PSME4: variants seen among roughly 807,000 people sequenced by gnomAD.
The protein encoded by PSME4 is proteasome activator complex subunit 4.
PSME4 carries 89 observed loss-of-function variants against 253.9 expected under a neutral mutation model. The observed-to-expected ratio is 0.35, with a 90% CI of 0.30 to 0.42. The LOEUF (loss-of-function observed/expected upper bound fraction) is 0.42. Among genes scored for constraint, PSME4 ranks in the 10% least tolerant of loss-of-function variants. The pLI is 1.00. For missense variants in PSME4, 2,014 were observed against 2,195.2 expected, an observed-to-expected ratio of 0.92 and a Z score of 1.65; for synonymous variants, 851 against 759.2, an observed-to-expected ratio of 1.12 and a Z score of -1.99.
At chr2:53,880,034 G>T (rs542781109) in intron 41 of PSME4, among the ~76,000 whole-genome samples, 1 of 152,284 alleles carries the variant, frequency 6.6e-6, no homozygotes, top group Non-Finnish European at 1.5e-5. Context: ...GAAGAATATG[G>T]TGGAAGTAAT....
intron 2 of PSME4, 93 bp downstream of exon 2, chr2:53,949,050 C>G: frequency 7.1e-7 from 1 of 1,402,004 alleles, no homozygotes; most frequent in Non-Finnish European, 9.4e-7. Flanking sequence ...CAATTTGAGA[C>G]TTGGTCTTCT....
chr2:53,952,756 C>A (rs984737549), intron 1 of PSME4, among the ~76,000 whole-genome samples: 1 of 152,228 alleles, frequency 6.6e-6, no homozygotes, highest in Admixed American at 6.5e-5. Flanking sequence ...CTATGAGAAT[C>A]TAACATCATG....
intron 20 of PSME4, among the ~76,000 whole-genome samples, chr2:53,913,644 T>C (rs1167621431): frequency 6.6e-6 from 1 of 152,182 alleles, no homozygotes; most frequent in Non-Finnish European, 1.5e-5. Flanking sequence ...TTGTGTTCTA[T>C]TATCCAATTC....
chr2:53,951,114 GCT>G (rs561507216), intron 1 of PSME4, among the ~76,000 whole-genome samples: 26 of 152,054 alleles, frequency 1.7e-4, no homozygotes, highest in African/African-American at 6.3e-4. Context: ...ACACAGTCTT[GCT>G]CTGTCACCCA....
At chr2:53,932,995 T>A in intron 8 of PSME4, 1 of 450,438 alleles carries the variant, frequency 2.2e-6, no homozygotes, top group African/African-American at 1.9e-5. Context: ...CATAAAAAAC[T>A]AAAAAAATAC....
In PSME4 at chr2:53,944,100, C is replaced by T. The variant is rs569610610; in HGVS notation, c.501-4100G>A. ...AAAAGATCAGTTTTTAAAGAAAGAA[C>T]ACTGTAGCACAGAAACAACTTTTGT... On this transcript the variant is annotated intron_variant, in intron 3 of 46. Transcript: ENST00000404125. 2.6e-5 allele frequency among the ~76,000 whole-genome samples: 4 copies of T among 152,182 alleles called. No individual in the cohort carries two copies. The East Asian group carries it at 7.7e-4, about 29-fold the overall frequency.
At chr2:53,967,902 C>T (rs1201474208) in intron 1 of PSME4, among the ~76,000 whole-genome samples, 1 of 152,022 alleles carries the variant, frequency 6.6e-6, no homozygotes, top group Non-Finnish European at 1.5e-5. Flanking sequence ...TAGAAAGATA[C>T]ACACAATGAC....
rs115601564 is a variant in PSME4 at position 53,952,744 on chromosome 2, T to G, written c.243-3461A>C. 4.6e-3 allele frequency among the ~76,000 whole-genome samples: 705 copies of G among 152,280 alleles called. 5 individuals are homozygous for G. The highest frequency in any genetic ancestry group is 0.016 in the African/African-American group (681 of 41,554). The stretch of plus-strand genomic sequence containing the variant: ...GGGCAGTTCACAATAGGATATGAGC[T>G]CCTATGAGAATCTAACATCATGGCT... On this transcript the variant is annotated intron_variant, in intron 1 of 46. Transcript: ENST00000404125.
chr2:53,934,460 C>T (rs1669009980), intron 8 of PSME4, 145 bp downstream of exon 8: 1 of 768,222 alleles, frequency 1.3e-6, no homozygotes, highest in Non-Finnish European at 2.0e-6. Context: ...ATTTGATAAA[C>T]ATGAGCTTGC....
At chr2:53,904,549 G>A (rs1277380774) in intron 26 of PSME4, among the ~76,000 whole-genome samples, 1 of 152,094 alleles carries the variant, frequency 6.6e-6, no homozygotes, top group African/African-American at 2.4e-5. Context: ...ATTTCCAGGA[G>A]GAACTAAAAT....
intron 12 of PSME4, 67 bp downstream of exon 12, chr2:53,927,327 T>C (rs1668600616): frequency 1.8e-6 from 2 of 1,131,328 alleles, no homozygotes; most frequent in Non-Finnish European, 2.7e-6. Flanking sequence ...AACTGTCAAG[T>C]GTTACTATGC....
intron 1 of PSME4, among the ~76,000 whole-genome samples, chr2:53,969,815 C>T (rs1670954510): frequency 6.6e-6 from 1 of 151,698 alleles, no homozygotes; most frequent in Non-Finnish European, 1.5e-5. Flanking sequence ...AAGCCTGATA[C>T]TAATATCGCC....
chr2:53,919,397 A>T (rs1668200696), intron 19 of PSME4, 151 bp from the exon 20 acceptor site: 1 of 1,085,918 alleles, frequency 9.2e-7, no homozygotes, highest in Admixed American at 3.7e-5. Flanking sequence ...AACAGTGAAG[A>T]ACAATTAAAT....
At chr2:53,900,783 C>G (rs1437661250) in intron 28 of PSME4, among the ~76,000 whole-genome samples, 5 of 152,096 alleles carry the variant, frequency 3.3e-5, no homozygotes, top group Admixed American at 3.3e-4. Context: ...GGAGAGATGT[C>G]AACCATAGTC....
At chr2:53,877,506 T>A (rs1388331615) in intron 41 of PSME4, among the ~76,000 whole-genome samples, 1 of 151,000 alleles carries the variant, frequency 6.6e-6, no homozygotes, top group Admixed American at 6.6e-5. Flanking sequence ...TTGAAACTGT[T>A]GTTAAAAAAA....
chr2:53,908,407 G>A lies in PSME4; in HGVS notation c.2697C>T (p.Asp899=). ...SLFLIIKIIG[D]LLQFQGSHKH... ...TGTGAGATCCTTGGAATTGTAAAAG[G>A]TCTCCAATAATCTGTGTCAAAGAAT... The change falls in exon 24 of 47, where the codon GAC becomes GAT. Residue 899 remains aspartate (D), a synonymous_variant. Coordinates refer to ENST00000404125, the MANE Select transcript of PSME4 (RefSeq NM_014614.3). The A allele has an allele frequency of 6.2e-7, 1 of 1,613,066 alleles. No individual in the cohort carries two copies. Among genetic ancestry groups the A allele is most frequent in the East Asian group, 2.2e-5 (1 of 44,762 alleles).
chr2:53,969,890 T>C (rs1452098139), intron 1 of PSME4, among the ~76,000 whole-genome samples: 1 of 152,012 alleles, frequency 6.6e-6, no homozygotes, highest in Non-Finnish European at 1.5e-5. Context: ...CCAAAAGAAA[T>C]GTCACAACAG....
chr2:53,925,001 TCAA>T (rs1186406032), intron 14 of PSME4, among the ~76,000 whole-genome samples: 1 of 152,212 alleles, frequency 6.6e-6, no homozygotes, highest in East Asian at 1.9e-4. Flanking sequence ...TAATCCGCAG[TCAA>T]CAGCAACATA....
At chr2:53,943,956 G>T (rs805367) in intron 3 of PSME4, among the ~76,000 whole-genome samples, 82,073 of 151,756 alleles carry the variant, frequency 0.54, 22,538 homozygotes, top group East Asian at 0.72. Context: ...TATACTTTTA[G>T]GGCAAGGGTT....
Sources: allele counts gnomAD v4.1 joint callset (sites outside exome capture counted in the v4.1 genomes callset), GRCh38; gene constraint gnomAD v4.1.1; transcripts MANE v1.5; gene names NCBI Gene and HGNC (gene_info 2026-07-23, HGNC 2026-07-21).